The following TBX4 variants were observed in gnomAD, a reference collection of about 807,000 sequenced individuals.
TBX4 encodes T-box transcription factor TBX4.
In TBX4, 13 loss-of-function variants were observed where a neutral mutation model predicts 54.6. The observed-to-expected ratio is 0.24, with a 90% CI of 0.15 to 0.38. The LOEUF is 0.38. Among genes scored for constraint, TBX4 ranks in the 10% least tolerant of loss-of-function variants. The probability of loss-of-function intolerance (pLI) is 1.00; values close to 1 mark genes in which losing one functional copy is unlikely to be tolerated. For synonymous variants in TBX4, 314 were observed against 306.7 expected, an observed-to-expected ratio of 1.02 and a Z score of -0.25; for missense variants, 631 against 728.5, an observed-to-expected ratio of 0.87 and a Z score of 1.54.
Position 61,464,825 on chromosome 17 carries a change from G to A in TBX4, c.282-994G>A, listed in dbSNP as rs1051990877. Among the ~76,000 whole-genome samples the A allele has an allele frequency of 2.0e-5, 3 of 152,180 alleles. No individual in the cohort carries two copies. The highest frequency in any genetic ancestry group is 4.4e-5 in the Non-Finnish European group (3 of 68,012). ...GGTGTGCGGAAGCCCCCTCTAGAATGTGCCTCGAACCTCAGGGCCCTTGAC... is the reference window on the plus strand; with the variant it reads ...GGTGTGCGGAAGCCCCCTCTAGAATATGCCTCGAACCTCAGGGCCCTTGAC... On this transcript the variant is annotated intron_variant, in intron 3 of 8. Coordinates refer to ENST00000644296, the MANE Select transcript of TBX4 (RefSeq NM_001321120.2). The surrounding 1 kb of genome is among the most constrained non-coding windows in gnomAD (Gnocchi z 5.8).
In TBX4 at chr17:61,475,191, G is replaced by A. The variant is rs1376917379; in HGVS notation, c.550-3436G>A. ...GCTGGTTCCCTGCCTCGGAAGATGTGTTGGGCACTCTCTCCACCCTAGTCA... is the reference window on the plus strand; with the variant it reads ...GCTGGTTCCCTGCCTCGGAAGATGTATTGGGCACTCTCTCCACCCTAGTCA... On this transcript the variant is annotated intron_variant, in intron 5 of 8. Coordinates refer to ENST00000644296, the MANE Select transcript of TBX4 (RefSeq NM_001321120.2). The surrounding 1 kb of genome is among the most constrained non-coding windows in gnomAD (Gnocchi z 5.0). Among the ~76,000 whole-genome samples the A allele has an allele frequency of 6.6e-6, 1 of 152,240 alleles. No homozygotes were observed. Among genetic ancestry groups the A allele is most frequent in the Non-Finnish European group, 1.5e-5 (1 of 68,046 alleles).
At chr17:61,458,196 G>T (rs960132093) in intron 3 of TBX4, among the ~76,000 whole-genome samples, 2 of 151,844 alleles carry the variant, frequency 1.3e-5, no homozygotes, top group African/African-American at 4.8e-5. Context: ...CTCGGTGGCT[G>T]CCAGAAAAGG....
rs1223648720 is a variant in TBX4, at chr17:61,484,941, AATAAAT to A, written c.*1429_*1434del. On this transcript the variant is annotated 3_prime_UTR_variant, in exon 9 of 9. Transcript: ENST00000644296. This position sits in a 1 kb window ranked among gnomAD's most constrained non-coding sequence, Gnocchi z 4.1. ...AAGAATGGTTTAGATAAAACATATAAATAAATATATATATATATATATATATATATA... is the reference window on the plus strand; with the variant it reads ...AAGAATGGTTTAGATAAAACATATAAATATATATATATATATATATATATA... 2.0e-5 allele frequency: 2 copies of A among 101,846 alleles called. No individual in the cohort carries two copies. Among genetic ancestry groups the A allele is most frequent in the East Asian group, 3.6e-4 (1 of 2,792 alleles). 6.3% of individuals were successfully genotyped at this position (101,846 alleles called of 1,614,324 possible). A position where few individuals can be genotyped will look rare whatever the true frequency, so the allele number is the denominator to read the frequency against.
At position 61,482,939 on chromosome 17, in the gene TBX4, A is replaced by G. The variant is rs777491054; in HGVS notation, c.1064A>G (p.Tyr355Cys). ...CTGGACTTACCTTGCAAGCGATCCT[A>G]TCTGGAAGCCCCCTCTTCGGTGGGG... ...RHLDLPCKRSYLEAPSSVGED... is the reference protein window; with the variant it reads ...RHLDLPCKRSCLEAPSSVGED... The change falls in exon 9 of 9, where the codon TAT becomes TGT. Residue 355 changes from tyrosine to cysteine, a missense_variant. Around this residue, in one of 3 missense-constraint regions of TBX4, gnomAD observed 354 missense variants for 368.9 expected, o/e 0.96. Coordinates refer to ENST00000644296, the MANE Select transcript of TBX4 (RefSeq NM_001321120.2). 1 of 1,613,876 alleles carries G rather than the reference A, an allele frequency of 6.2e-7. No individual in the cohort carries two copies. The highest frequency in any genetic ancestry group is 1.1e-5 in the South Asian group (1 of 91,014).
At position 61,482,947 on chromosome 17, in the gene TBX4, G is replaced by T. The variant is rs749162745; in HGVS notation, c.1072G>T (p.Ala358Ser). ...ACCTTGCAAGCGATCCTATCTGGAA[G>T]CCCCCTCTTCGGTGGGGGAGGATCA... ...DLPCKRSYLE[A>S]PSSVGEDHYF... is the part of the protein sequence containing the mutation. The change falls in exon 9 of 9, where the codon GCC becomes TCC. Residue 358 changes from alanine (A) to serine (S), a missense_variant. Coordinates refer to ENST00000644296, the MANE Select transcript of TBX4 (RefSeq NM_001321120.2). 6.8e-6 allele frequency: 11 copies of T among 1,613,798 alleles called. No individual in the cohort carries two copies. Among genetic ancestry groups the T allele is most frequent in the Non-Finnish European group, 8.5e-6 (10 of 1,179,948 alleles).
rs540469484 is a variant in TBX4 at position 61,459,275 on chromosome 17, C to T, written c.281+1644C>T. ...TCAGTGGTGTCAGGGAAATGGTGAC[C>T]GTAGACCTATCTGCTGTCCCTTCCT... On this transcript the variant is annotated intron_variant, in intron 3 of 8. Transcript: ENST00000644296. This position sits in a 1 kb window ranked among gnomAD's most constrained non-coding sequence, Gnocchi z 4.8. 1.7e-4 allele frequency among the ~76,000 whole-genome samples: 26 copies of T among 152,270 alleles called. No homozygotes were observed. The highest frequency in any genetic ancestry group is 3.4e-3 in the Middle Eastern group (1 of 294).
chr17:61,471,120 G>T (rs1338724486), intron 5 of TBX4, among the ~76,000 whole-genome samples: 1 of 152,208 alleles, frequency 6.6e-6, no homozygotes, highest in African/African-American at 2.4e-5. Flanking sequence ...AAAGTAGCAC[G>T]CATTAGTCCC....
At position 61,482,878 on chromosome 17, in the gene TBX4, A is replaced by G; in HGVS notation, c.1022-19A>G. The G allele has an allele frequency of 6.2e-7, 1 of 1,612,336 alleles. No individual in the cohort carries two copies. Among genetic ancestry groups the G allele is most frequent in the Non-Finnish European group, 8.5e-7 (1 of 1,179,728 alleles). ...GGCTGGTGGAAATGGTTCTTCCTGA[A>G]TGTTACTTTGTCTTTCAGCAGACGG... On this transcript the variant is annotated intron_variant, in intron 8 of 8. Transcript: ENST00000644296.
At position 61,476,744 on chromosome 17, in the gene TBX4, AC is replaced by A. The variant is rs1329674156; in HGVS notation, c.550-1882del. On this transcript the variant is annotated intron_variant, in intron 5 of 8. Transcript: ENST00000644296. The surrounding 1 kb of genome is among the most constrained non-coding windows in gnomAD (Gnocchi z 6.5). ...CCTCGTGAAGGTCTGGAGGTTTGTC[AC>A]TGAGGGCTGAGGCGGGAGTGGCCAG... 6.6e-6 allele frequency among the ~76,000 whole-genome samples: 1 copy of A among 152,198 alleles called. No individual in the cohort carries two copies. The highest frequency in any genetic ancestry group is 1.5e-5 in the Non-Finnish European group (1 of 68,038).
chr17:61,457,233 G>A lies in TBX4; in HGVS notation c.187-304G>A, dbSNP rs1476106580. 2.0e-5 allele frequency among the ~76,000 whole-genome samples: 3 copies of A among 152,270 alleles called. No individual in the cohort carries two copies. The highest frequency in any genetic ancestry group is 4.4e-5 in the Non-Finnish European group (3 of 67,996). On this transcript the variant is annotated intron_variant, in intron 2 of 8. Transcript: ENST00000644296. This position sits in a 1 kb window ranked among gnomAD's most constrained non-coding sequence, Gnocchi z 8.2. ...TCTGTGTCTGCCCCGGGAGCCTGTG[G>A]CGATGGCCCGCCACAGAAATGTTCA...
rs569667310 is a variant in TBX4, at chr17:61,472,038, C to T, written c.549+4381C>T. On this transcript the variant is annotated intron_variant, in intron 5 of 8. Transcript: ENST00000644296. This position sits in a 1 kb window ranked among gnomAD's most constrained non-coding sequence, Gnocchi z 4.5. ...GATTGCAGGCGTGTGCCACCGCGCC[C>T]GGCCTGCAGCTGCATAGAATTTTAT... Among the ~76,000 whole-genome samples the T allele has an allele frequency of 9.3e-4, 141 of 152,028 alleles. No homozygotes were observed. Among genetic ancestry groups the T allele is most frequent in the Non-Finnish European group, 1.5e-3 (100 of 67,974 alleles).
Position 61,478,727 on chromosome 17 carries a change from A to T in TBX4, c.650A>T (p.His217Leu). The T allele has an allele frequency of 1.2e-6, 2 of 1,614,150 alleles. No homozygotes were observed. Among genetic ancestry groups the T allele is most frequent in the Non-Finnish European group, 1.7e-6 (2 of 1,180,022 alleles). Residue 217 changes from histidine to leucine, a missense_variant, in exon 6 of 9, where the codon CAC becomes CTC. His to Leu is a moderately conservative substitution (Grantham distance 99). Transcript: ENST00000644296. The surrounding 1 kb of genome is among the most constrained non-coding windows in gnomAD (Gnocchi z 7.4). ...FGSKNTAFCT[H>L]VFPETSFISV... ...TCCAAAAACACTGCTTTCTGCACCC[A>T]CGTGTTCCCAGAGACCTCCTTCATC...
At chr17:61,466,087 G>A (rs1162748107) in intron 4 of TBX4, 149 bp downstream of exon 4, 11 of 1,322,730 alleles carry the variant, frequency 8.3e-6, no homozygotes, top group African/African-American at 4.3e-5. Flanking sequence ...CTGGCTGTGC[G>A]GAGGCTGAGG....
At chr17:61,482,818 C>G (rs1352178120) in intron 8 of TBX4, 79 bp from the exon 9 acceptor site, 5 of 1,589,028 alleles carry the variant, frequency 3.1e-6, no homozygotes, top group East Asian at 2.2e-5. Context: ...CAAGGACAGG[C>G]TGTCCCAGCA....
At chr17:61,456,327 C>A in intron 1 of TBX4, 161 bp from the exon 2 acceptor site, 1 of 908,160 alleles carries the variant, frequency 1.1e-6, no homozygotes, top group Non-Finnish European at 1.7e-6. Context: ...GACCTGCCTT[C>A]CTTGCGGGTT....
At chr17:61,473,537 C>T (rs990005292) in intron 5 of TBX4, among the ~76,000 whole-genome samples, 9 of 152,208 alleles carry the variant, frequency 5.9e-5, no homozygotes, top group African/African-American at 2.2e-4. Context: ...ATTTATCTCC[C>T]TCTTTCCTCC....
At chr17:61,456,753 C>A in intron 2 of TBX4, 77 bp downstream of exon 2, 1 of 1,172,128 alleles carries the variant, frequency 8.5e-7, no homozygotes, top group Non-Finnish European at 1.1e-6. Context: ...TCTTTCCGTC[C>A]GATTGTCGGC....
rs141916496 is a variant in TBX4, at chr17:61,453,601, T to C, written c.-4+1024T>C. Among the ~76,000 whole-genome samples the C allele has an allele frequency of 4.7e-3, 712 of 152,300 alleles. 6 individuals carry two copies. The highest frequency in any genetic ancestry group is 0.016 in the African/African-American group (670 of 41,570). ...TGAGTAATAAGAAGTATTGTACCAA[T>C]GTGATGAAAAATAATCAGAGTATTA... On this transcript the variant is annotated intron_variant, in intron 1 of 8. Coordinates refer to ENST00000644296, the MANE Select transcript of TBX4 (RefSeq NM_001321120.2).
chr17:61,482,805 G>A, intron 8 of TBX4, 92 bp from the exon 9 acceptor site: 1 of 1,574,436 alleles, frequency 6.4e-7, no homozygotes, highest in Non-Finnish European at 8.6e-7. Flanking sequence ...GGGCGCAGAG[G>A]GACAAGGACA....
Sources: allele counts gnomAD v4.1 joint callset (sites outside exome capture counted in the v4.1 genomes callset), GRCh38; gene constraint gnomAD v4.1.1; regional missense constraint gnomAD v4.1.1; non-coding constraint Gnocchi (gnomAD v3.1); transcripts MANE v1.5; gene names NCBI Gene and HGNC (gene_info 2026-07-23, HGNC 2026-07-21).